The following NFASC variants were observed in gnomAD, a reference collection of about 807,000 sequenced individuals.
NFASC encodes neurofascin, also known as neurofascin homolog.
NFASC carries 43 observed loss-of-function variants against 147.5 expected under a neutral mutation model. The ratio of observed to expected loss-of-function variants is 0.29; its 90% CI spans 0.23 to 0.38. The LOEUF (loss-of-function observed/expected upper bound fraction) is 0.38, where lower values mean the gene tolerates loss of function less well. Ranked by LOEUF, NFASC falls within the 10% of genes least tolerant of loss-of-function variation. The pLI is 1.00. For missense variants in NFASC, 1,320 were observed against 1,689.0 expected (o/e 0.78, Z 3.83); for synonymous variants, 622 against 665.5 (o/e 0.93, Z 1.01).
At chr1:205,013,726 G>A (rs948629637) in intron 29 of NFASC, among the ~76,000 whole-genome samples, 2 of 152,132 alleles carry the variant, frequency 1.3e-5, no homozygotes, top group African/African-American at 4.8e-5. Context: ...AAGTGCTATG[G>A]GAGGGAATGT....
At chr1:204,950,424 T>A in intron 3 of NFASC, 133 bp from the exon 4 acceptor site, 1 of 803,246 alleles carries the variant, frequency 1.2e-6, no homozygotes, top group South Asian at 1.5e-5. Context: ...GAGAGAGCCC[T>A]GTGCTCAGCG....
In NFASC at chr1:204,830,006, G is replaced by GGTGC. The variant is rs1671742393; in HGVS notation, c.-200+1227_-200+1228insCGTG. Among the ~76,000 whole-genome samples, 5 of 144,102 alleles carry GGTGC rather than the reference G, an allele frequency of 3.5e-5. No homozygotes were observed. The South Asian group carries it at 1.1e-3, about 33-fold the overall frequency. The allele number at this position is 144,102 out of a possible 152,430, so 94.5% of individuals were successfully genotyped here. Reference sequence around the variant, plus strand: ...CTCCTTCCTTGGCATTTTGGCATGGGGTGTGTGTGTGTGTGTGTGTGTGTG... The same window carrying GGTGC: ...CTCCTTCCTTGGCATTTTGGCATGGGGTGCGTGTGTGTGTGTGTGTGTGTGTGTG... On this transcript the variant is annotated intron_variant, in intron 1 of 29. Coordinates refer to ENST00000339876, the MANE Select transcript of NFASC (RefSeq NM_001005388.3).
Position 204,889,894 on chromosome 1 carries a change from C to T in NFASC, c.-199-30738C>T, listed in dbSNP as rs1032532429. 3.9e-5 allele frequency among the ~76,000 whole-genome samples: 6 copies of T among 152,224 alleles called. 1 individual carries two copies. In the South Asian group the frequency reaches 1.0e-3, roughly 26 times the overall value. ...TGCAGCAAATTGTAACCAGACTCCA[C>T]CTTATCACAGCACCATGCTACTGCT... On this transcript the variant is annotated intron_variant, in intron 1 of 29. Coordinates refer to ENST00000339876, the MANE Select transcript of NFASC (RefSeq NM_001005388.3).
intron 24 of NFASC, chr1:204,993,897 G>A (rs1244808477): frequency 2.3e-6 from 1 of 433,208 alleles, no homozygotes; most frequent in Non-Finnish European, 4.7e-6. Flanking sequence ...CTGAGCAGTG[G>A]AAGGTTTTCC....
chr1:204,866,260 T>C (rs16854572), intron 1 of NFASC, among the ~76,000 whole-genome samples: 7,282 of 152,128 alleles, frequency 0.048, 550 homozygotes, highest in African/African-American at 0.16. Context: ...CCTGAGAGAA[T>C]CTTGGGATTT....
At chr1:204,945,439 G>A (rs1203235503) in intron 3 of NFASC, among the ~76,000 whole-genome samples, 1 of 152,242 alleles carries the variant, frequency 6.6e-6, no homozygotes, top group East Asian at 1.9e-4. Flanking sequence ...CAGACCCCTG[G>A]TCCTGGAGTT....
Position 204,954,867 on chromosome 1 carries a change from G to T in NFASC, c.451G>T (p.Val151Leu). 6.2e-7 allele frequency: 1 copy of T among 1,614,154 alleles called. No individual in the cohort carries two copies. Among genetic ancestry groups the T allele is most frequent in the Non-Finnish European group, 8.5e-7 (1 of 1,180,012 alleles). The change falls in exon 7 of 30, where the codon GTG (valine) becomes TTG (leucine). Residue 151 changes from valine to leucine, a missense_variant. Around this residue, in one of 3 missense-constraint regions of NFASC, gnomAD observed 981 missense variants for 1,289.5 expected, o/e 0.76. Coordinates refer to ENST00000339876, the MANE Select transcript of NFASC (RefSeq NM_001005388.3). The surrounding 1 kb of genome is among the most constrained non-coding windows in gnomAD (Gnocchi z 5.7). ...GCCCAAGGAAAACCTAGACCCTGTC[G>T]TGGTCCAAGAGGGCGCTCCTTTGAC... ...LWPKENLDPVVVQEGAPLTLQ... is the reference protein window; with the variant it reads ...LWPKENLDPVLVQEGAPLTLQ...
chr1:204,844,864 C>T (rs528001741), intron 1 of NFASC, among the ~76,000 whole-genome samples: 1 of 152,246 alleles, frequency 6.6e-6, no homozygotes, highest in Admixed American at 6.5e-5. Context: ...TTCTGTGTCT[C>T]TTTGTTGTGC....
Position 204,981,803 on chromosome 1 carries a change from GA to G in NFASC, c.2255del (p.Asn752MetfsTer104), listed in dbSNP as rs776566335. On this transcript the variant is annotated frameshift_variant, in exon 21 of 30. Transcript: ENST00000339876. LOFTEE classifies it high-confidence loss of function. ...NNMEITWTPMNATSAFGPNLR... is the reference protein window; with the variant it reads ...NNMEITWTPMXATSAFGPNLR... ...CTGTCTGTCCCTCTGCCCAGCCCAT[GA>G]ATGCCACCTCGGCCTTTGGCCCCAA... The G allele has an allele frequency of 1.3e-6, 2 of 1,556,444 alleles. No individual in the cohort carries two copies.
chr1:205,014,643 G>A (rs894292450), intron 29 of NFASC, among the ~76,000 whole-genome samples: 3 of 152,016 alleles, frequency 2.0e-5, no homozygotes, highest in African/African-American at 4.8e-5. Context: ...AGGTCTGTTC[G>A]GTCTGTTCTT....
At chr1:204,833,763 T>C (rs1035804006) in intron 1 of NFASC, among the ~76,000 whole-genome samples, 2 of 152,098 alleles carry the variant, frequency 1.3e-5, no homozygotes, top group African/African-American at 4.8e-5. Context: ...GTTGTTGGAG[T>C]CATGGAGGTG....
chr1:204,982,097 A>C (rs1574101070), intron 21 of NFASC, 77 bp downstream of exon 21: 1 of 997,022 alleles, frequency 1.0e-6, no homozygotes, highest in South Asian at 1.9e-5. Context: ...CAGGCCAGGA[A>C]CCTTGGGGTG....
At chr1:204,844,522 T>A (rs1415148242) in intron 1 of NFASC, among the ~76,000 whole-genome samples, 1 of 152,194 alleles carries the variant, frequency 6.6e-6, no homozygotes, top group Non-Finnish European at 1.5e-5. Context: ...AAAAAGCCCT[T>A]ATATTCCAGT....
Position 204,987,324 on chromosome 1 carries a change from C to A in NFASC, c.2471-94C>A. On this transcript the variant is annotated intron_variant, in intron 21 of 29. Transcript: ENST00000339876. The surrounding 1 kb of genome is among the most constrained non-coding windows in gnomAD (Gnocchi z 4.4). Reference sequence around the variant, plus strand: ...TCGAGCATGGGGGTTGTCCAGAGGTCAATGCCTTCATACTTGTGCTTTGTT... The same window carrying A: ...TCGAGCATGGGGGTTGTCCAGAGGTAAATGCCTTCATACTTGTGCTTTGTT... 1 of 1,241,352 alleles carries A rather than the reference C, an allele frequency of 8.1e-7. No individual in the cohort carries two copies. Among genetic ancestry groups the A allele is most frequent in the Non-Finnish European group, 1.1e-6 (1 of 872,200 alleles). 76.9% of individuals were successfully genotyped at this position (1,241,352 alleles called of 1,614,324 possible).
chr1:205,019,309 C>G lies in NFASC; in HGVS notation c.*2770C>G. 6.6e-6 allele frequency: 1 copy of G among 152,356 alleles called. No individual in the cohort carries two copies. Among genetic ancestry groups the G allele is most frequent in the Admixed American group, 6.5e-5 (1 of 15,304 alleles). The allele number at this position is 152,356 out of a possible 1,614,324, so 9.4% of individuals were successfully genotyped here. ...TCCCAAGCAACTACCCCAAGACATA[C>G]CAACAGTGAAGCCAGGACAGCACCA... On this transcript the variant is annotated 3_prime_UTR_variant, in exon 30 of 30. Transcript: ENST00000339876.
At chr1:204,877,342 C>T (rs1264264330) in intron 1 of NFASC, among the ~76,000 whole-genome samples, 3 of 151,844 alleles carry the variant, frequency 2.0e-5, no homozygotes, top group Non-Finnish European at 4.4e-5. Flanking sequence ...CTATACACAG[C>T]GTCTGTGAAA....
rs191691175 is a variant in NFASC, at chr1:205,021,217, C to G, written c.*4678C>G. ...AGCCAGACTTTGTGGCTGTCCCCAG[C>G]CTGCACAGCCCAAGCCCAGGGAAGT... On this transcript the variant is annotated 3_prime_UTR_variant, in exon 30 of 30. Coordinates refer to ENST00000339876, the MANE Select transcript of NFASC (RefSeq NM_001005388.3). 6.5e-6 allele frequency: 1 copy of G among 152,694 alleles called. No homozygotes were observed. The highest frequency in any genetic ancestry group is 6.5e-5 in the Admixed American group (1 of 15,294). The allele number at this position is 152,694 out of a possible 1,614,324, so 9.5% of individuals were successfully genotyped here. A position where few individuals can be genotyped will look rare whatever the true frequency, so the allele number is the denominator to read the frequency against.
chr1:204,980,270 G>A, intron 19 of NFASC, 100 bp from the exon 20 acceptor site: 1 of 852,332 alleles, frequency 1.2e-6, no homozygotes, highest in South Asian at 1.4e-5. Flanking sequence ...AGGAAAGACA[G>A]AGCATAGAAC....
chr1:204,875,922 C>T (rs1296732795), intron 1 of NFASC, among the ~76,000 whole-genome samples: 1 of 152,066 alleles, frequency 6.6e-6, no homozygotes, highest in African/African-American at 2.4e-5. Context: ...TCTGAAATTC[C>T]AGGGTTGGTG....
Sources: gnomAD v4.1 joint callset for allele counts (sites outside exome capture counted in the v4.1 genomes callset) on GRCh38, gnomAD v4.1.1 for gene constraint, gnomAD v4.1.1 regional missense constraint, Gnocchi (gnomAD v3.1) non-coding constraint, MANE v1.5 for transcripts, NCBI Gene and HGNC (gene_info 2026-07-23, HGNC 2026-07-21) for gene names.